The following TGM7 variants were observed in gnomAD, a reference collection of about 807,000 sequenced individuals.
TGM7 encodes transglutaminase 7.
TGM7 carries 74 observed loss-of-function variants against 79.5 expected under a neutral mutation model. The ratio of observed to expected loss-of-function variants is 0.93; its 90% CI spans 0.77 to 1.13. TGM7 has a LOEUF of 1.13. TGM7 is among the 50% of genes most tolerant of loss of function. The pLI is 0.00. For synonymous variants in TGM7, 354 were observed against 362.5 expected, an observed-to-expected ratio of 0.98 and a Z score of 0.27; for missense variants, 912 against 905.9, an observed-to-expected ratio of 1.01 and a Z score of -0.09.
In TGM7 at chr15:43,281,873, C is replaced by T; in HGVS notation, c.1322G>A (p.Ser441Asn). Residue 441 changes from serine to asparagine, a missense_variant, in exon 9 of 13, where the codon AGC (serine) becomes AAC (asparagine). By Grantham distance (46) the Ser-to-Asn change is conservative. Transcript: ENST00000452443. ...TGGGTACTTGTAGGAGCTGGTGATG[C>T]TCTGGCGCTGGTCTGACCCCACCAT... is the stretch of plus-strand genomic sequence containing the variant. ...TKMVGSDQRQ[S>N]ITSSYKYPEG... The T allele has an allele frequency of 1.9e-6, 3 of 1,614,224 alleles. No homozygotes were observed. The highest frequency in any genetic ancestry group is 2.5e-6 in the Non-Finnish European group (3 of 1,180,030).
chr15:43,289,325 G>C (rs1445321712), intron 4 of TGM7, among the ~76,000 whole-genome samples: 1 of 151,744 alleles, frequency 6.6e-6, no homozygotes, highest in Non-Finnish European at 1.5e-5. Context: ...TGGTTTTTTT[G>C]TCCTTGTGAT....
At chr15:43,282,691 AGT>A in intron 7 of TGM7, 71 bp from the exon 8 acceptor site, 2 of 1,134,854 alleles carry the variant, frequency 1.8e-6, no homozygotes, top group Non-Finnish European at 2.6e-6. Flanking sequence ...CACTATACGG[AGT>A]GATTTATATC....
intron 4 of TGM7, among the ~76,000 whole-genome samples, chr15:43,290,865 G>A (rs1459159367): frequency 6.6e-6 from 1 of 152,100 alleles, no homozygotes; most frequent in Non-Finnish European, 1.5e-5. Flanking sequence ...GACTCTGTTT[G>A]TCTGTTATTG....
intron 1 of TGM7, among the ~76,000 whole-genome samples, chr15:43,296,532 A>G (rs1361550200): frequency 1.3e-5 from 2 of 151,684 alleles, no homozygotes; most frequent in Non-Finnish European, 1.5e-5. Context: ...TAGCAGGACC[A>G]CTGAGCCTTC....
At position 43,293,605 on chromosome 15, in the gene TGM7, C is replaced by CT; in HGVS notation, c.36_37insA (p.Asp13ArgfsTer51). ...TTGTTGTTCCTGGAGCTCTGCAGGT[C>CT]GACAGACTCAAGCCGCAAGGTTGCC... On this transcript the variant is annotated frameshift_variant, in exon 2 of 13. Transcript: ENST00000452443. LOFTEE classifies it high-confidence loss of function. 1.9e-6 allele frequency: 3 copies of CT among 1,607,524 alleles called. No individual in the cohort carries two copies. Among genetic ancestry groups the CT allele is most frequent in the Non-Finnish European group, 2.5e-6 (3 of 1,178,450 alleles).
chr15:43,297,440 G>A (rs1362859782), intron 1 of TGM7, among the ~76,000 whole-genome samples: 3 of 150,548 alleles, frequency 2.0e-5, no homozygotes, highest in Non-Finnish European at 4.4e-5. Flanking sequence ...GCAACAGAGC[G>A]AGACCCTGTC....
intron 9 of TGM7, 151 bp from the exon 10 acceptor site, chr15:43,280,102 G>C (rs2042900327): frequency 1.5e-6 from 1 of 660,070 alleles, no homozygotes; most frequent in African/African-American, 1.8e-5. Flanking sequence ...CTCTGTCACA[G>C]TCCTTTAATC....
At chr15:43,294,144 A>AT (rs2042981132) in intron 1 of TGM7, among the ~76,000 whole-genome samples, 1 of 152,150 alleles carries the variant, frequency 6.6e-6, no homozygotes, top group Middle Eastern at 3.2e-3. Context: ...ACATACTAGG[A>AT]TTTTGTATGA....
intron 11 of TGM7, among the ~76,000 whole-genome samples, chr15:43,277,752 T>G (rs1333245550): frequency 6.6e-6 from 1 of 152,028 alleles, no homozygotes; most frequent in Non-Finnish European, 1.5e-5. Context: ...TGAAATGAGC[T>G]CTGACCACCC....
chr15:43,281,592 C>T (rs1470297257), intron 9 of TGM7, among the ~76,000 whole-genome samples: 2 of 152,180 alleles, frequency 1.3e-5, no homozygotes, highest in African/African-American at 4.8e-5. Flanking sequence ...ACATTTGGGA[C>T]ATATATTACA....
rs774263823 is a variant in TGM7 at position 43,279,904 on chromosome 15, G to A, written c.1399C>T (p.Leu467=). 5 of 1,614,208 alleles carry A rather than the reference G, an allele frequency of 3.1e-6. No homozygotes were observed. Among genetic ancestry groups the A allele is most frequent in the Non-Finnish European group, 2.5e-6 (3 of 1,180,028 alleles). Residue 467 remains leucine, a synonymous_variant, in exon 10 of 13, where the codon CTG becomes TTG. Coordinates refer to ENST00000452443, the MANE Select transcript of TGM7 (RefSeq NM_052955.3). ...GGCAAAGAAGCTCTTTGGGGGCCCA[G>A]CATTTTCCGAGAAGCCTTCATGAAG... ...AVFMKASRKM[L]GPQRASLPFL...
intron 3 of TGM7, among the ~76,000 whole-genome samples, 161 bp from the exon 4 acceptor site, chr15:43,292,258 A>G (rs1428625944): frequency 6.6e-6 from 1 of 152,194 alleles, no homozygotes; most frequent in East Asian, 1.9e-4. Flanking sequence ...AAGGTCTACT[A>G]TGTGCTTTTC....
rs139357697 is a variant in TGM7, at chr15:43,290,686, C to T, written c.558+1293G>A. Among the ~76,000 whole-genome samples, 898 of 152,282 alleles carry T rather than the reference C, an allele frequency of 5.9e-3. 11 individuals carry two copies. Among genetic ancestry groups the T allele is most frequent in the African/African-American group, 0.021 (853 of 41,542 alleles). On this transcript the variant is annotated intron_variant, in intron 4 of 12. Coordinates refer to ENST00000452443, the MANE Select transcript of TGM7 (RefSeq NM_052955.3). ...GGCCATTTTCACAGTACTGATTCTT[C>T]CTACCCATGAGCATGGAATGTTCTT...
intron 6 of TGM7, 48 bp downstream of exon 6, chr15:43,287,232 C>A (rs757546472): frequency 6.4e-7 from 1 of 1,571,774 alleles, no homozygotes. Flanking sequence ...GTTAACTTCT[C>A]TGATAATGAA....
chr15:43,276,853 G>T lies in TGM7; in HGVS notation c.1973+9C>A. 1 of 1,613,228 alleles carries T rather than the reference G, an allele frequency of 6.2e-7. No individual in the cohort carries two copies. Among genetic ancestry groups the T allele is most frequent in the Middle Eastern group, 1.7e-4 (1 of 5,982 alleles). ...CAGCAAGGGGGAGGTGGGCAGAAGC[G>T]TCACTTACTCCTTTGCTATCTGCCC... is the stretch of plus-strand genomic sequence containing the variant. On this transcript the variant is annotated intron_variant, in intron 12 of 12. Coordinates refer to ENST00000452443, the MANE Select transcript of TGM7 (RefSeq NM_052955.3).
chr15:43,285,932 G>C (rs2042933642), intron 6 of TGM7, among the ~76,000 whole-genome samples: 1 of 152,168 alleles, frequency 6.6e-6, no homozygotes, highest in South Asian at 2.1e-4. Context: ...GTGACCCTGA[G>C]GGGACGTGGG....
intron 6 of TGM7, among the ~76,000 whole-genome samples, chr15:43,285,510 G>A (rs1467387582): frequency 2.6e-5 from 4 of 152,148 alleles, no homozygotes; most frequent in Admixed American, 6.5e-5. Context: ...TGTTACGTGG[G>A]TAAACACGTG....
At chr15:43,281,725 G>A (rs1253809456) in intron 9 of TGM7, 119 bp downstream of exon 9, 1 of 1,475,556 alleles carries the variant, frequency 6.8e-7, no homozygotes, top group African/African-American at 1.4e-5. Context: ...AGGACCCCTA[G>A]GAGTTTGCCA....
chr15:43,281,857 G>C lies in TGM7; in HGVS notation c.1338C>G (p.Tyr446Ter). Reference protein sequence around the residue: ...SDQRQSITSSYKYPEGSPEER... With the variant: ...SDQRQSITSS The stretch of plus-strand genomic sequence containing the variant: ...CCCGCCCAGCACCTTCTGGGTACTT[G>C]TAGGAGCTGGTGATGCTCTGGCGCT... The change falls in exon 9 of 13, where the codon TAC (tyrosine) becomes TAG (stop). Residue 446 changes from tyrosine (Y) to a stop codon, truncating the protein, a stop_gained. Transcript: ENST00000452443. LOFTEE classifies it high-confidence loss of function. 2 of 1,614,152 alleles carry C rather than the reference G, an allele frequency of 1.2e-6. No individual in the cohort carries two copies. The highest frequency in any genetic ancestry group is 1.7e-6 in the Non-Finnish European group (2 of 1,179,980).
Sources: gnomAD v4.1 joint callset for allele counts (sites outside exome capture counted in the v4.1 genomes callset) on GRCh38, gnomAD v4.1.1 for gene constraint, MANE v1.5 for transcripts, NCBI Gene and HGNC (gene_info 2026-07-23, HGNC 2026-07-21) for gene names.